The following DDX51 variants were observed in gnomAD, a reference collection of about 807,000 sequenced individuals.
DDX51 encodes the protein DEAD-box helicase 51.
DDX51 carries 67 observed loss-of-function variants against 74.6 expected under a neutral mutation model. The ratio of observed to expected loss-of-function variants is 0.90; its 90% CI spans 0.74 to 1.10. The LOEUF is 1.10. DDX51 is among the 50% of genes least tolerant of loss of function. DDX51 has a pLI of 0.00. For missense variants in DDX51, 1,056 were observed against 905.2 expected (o/e 1.17, Z -2.14); for synonymous variants, 545 against 402.9 (o/e 1.35, Z -4.22).
Position 132,139,645 on chromosome 12 carries a change from T to C in DDX51, c.1964A>G (p.Glu655Gly), listed in dbSNP as rs1319038308. 6.2e-7 allele frequency: 1 copy of C among 1,612,948 alleles called. No individual in the cohort carries two copies. The highest frequency in any genetic ancestry group is 2.2e-5 in the East Asian group (1 of 44,872). The change falls in exon 14 of 15, where the codon GAG becomes GGG. Residue 655 changes from glutamate (E) to glycine (G), a missense_variant. Transcript: ENST00000397333. ...RYEEALSQLE[E>G]SVKEERKQRA... Reference sequence around the variant, plus strand: ...CTCTGGTGCCCTTACCTTGACAGACTCCTCCAGCTGGGACAGGGCCTCCTC... The same window carrying C: ...CTCTGGTGCCCTTACCTTGACAGACCCCTCCAGCTGGGACAGGGCCTCCTC...
chr12:132,143,785 C>A lies in DDX51; in HGVS notation c.429G>T (p.Ala143=). The change falls in exon 2 of 15, where the codon GCG becomes GCT. Residue 143 remains alanine (A), a synonymous_variant. Coordinates refer to ENST00000397333, the MANE Select transcript of DDX51 (RefSeq NM_175066.4). ...GERSTSASAE[A]APDGPALEEA... is the part of the protein sequence containing the mutation. ...CCTCCAGGGCCGGTCCATCTGGGGC[C>A]GCCTCGGCGCTGGCGCTGGTGCTGC... The A allele has an allele frequency of 6.6e-7, 1 of 1,519,558 alleles. No homozygotes were observed. The highest frequency in any genetic ancestry group is 8.8e-7 in the Non-Finnish European group (1 of 1,138,776). 94.1% of individuals were successfully genotyped at this position (1,519,558 alleles called of 1,614,324 possible). A position where few individuals can be genotyped will look rare whatever the true frequency, so the allele number is the denominator to read the frequency against.
rs752454488 is a variant in DDX51 at position 132,140,939 on chromosome 12, C to T, written c.1332G>A (p.Leu444=). 1.1e-5 allele frequency: 17 copies of T among 1,613,106 alleles called. No homozygotes were observed. The Admixed American group carries it at 2.8e-4, about 27-fold the overall frequency. ...LTQNPEKLQQ[L]GLHQPRLFST... ...AGAAAAGCCGGGGCTGGTGGAGGCC[C>T]AGCTGCTGCAGCTTTTCAGGGTTCT... The change falls in exon 9 of 15, where the codon CTG becomes CTA. Residue 444 remains leucine (L), a synonymous_variant. Coordinates refer to ENST00000397333, the MANE Select transcript of DDX51 (RefSeq NM_175066.4).
chr12:132,139,640 C>CA lies in DDX51; in HGVS notation c.1968dup (p.Val657CysfsTer21). The CA allele has an allele frequency of 6.2e-7, 1 of 1,613,140 alleles. No individual in the cohort carries two copies. Among genetic ancestry groups the CA allele is most frequent in the Admixed American group, 1.7e-5 (1 of 60,024 alleles). ...CCGGACTCTGGTGCCCTTACCTTGA[C>CA]AGACTCCTCCAGCTGGGACAGGGCC... On this transcript the variant is annotated frameshift_variant, in exon 14 of 15. Transcript: ENST00000397333. LOFTEE classifies it high-confidence loss of function.
chr12:132,141,641 T>C lies in DDX51; in HGVS notation c.996-35A>G, dbSNP rs558176687. On this transcript the variant is annotated intron_variant, in intron 6 of 14. Coordinates refer to ENST00000397333, the MANE Select transcript of DDX51 (RefSeq NM_175066.4). Reference sequence around the variant, plus strand: ...AGAGAGCAGCTCGAGAGAAGGAAGCTTTCTCAAGGGCTTCCGGATAGCAAG... The same window carrying C: ...AGAGAGCAGCTCGAGAGAAGGAAGCCTTCTCAAGGGCTTCCGGATAGCAAG... The C allele has an allele frequency of 2.6e-6, 4 of 1,541,924 alleles. No individual in the cohort carries two copies. In the South Asian group the frequency reaches 3.7e-5, roughly 14 times the overall value.
At chr12:132,143,035 G>C (rs548222288) in intron 2 of DDX51, 157 bp from the exon 3 acceptor site, 10 of 952,842 alleles carry the variant, frequency 1.0e-5, no homozygotes, top group East Asian at 5.3e-5. Flanking sequence ...GCCTTCAGAA[G>C]TTAAACAGTA....
In DDX51 at chr12:132,137,518, T is replaced by C. The variant is rs1352377692; in HGVS notation, c.*1754A>G. On this transcript the variant is annotated 3_prime_UTR_variant, in exon 15 of 15. Coordinates refer to ENST00000397333, the MANE Select transcript of DDX51 (RefSeq NM_175066.4). Reference sequence around the variant, plus strand: ...GCCTTTTGTGTTCTGCTGGCATTTGTTTGAACACAGTCCACAGGTTCAGTG... The same window carrying C: ...GCCTTTTGTGTTCTGCTGGCATTTGCTTGAACACAGTCCACAGGTTCAGTG... 1 of 152,272 alleles carries C rather than the reference T, an allele frequency of 6.6e-6. No homozygotes were observed. Among genetic ancestry groups the C allele is most frequent in the Non-Finnish European group, 1.5e-5 (1 of 68,056 alleles). The allele number at this position is 152,272 out of a possible 1,614,324, so 9.4% of individuals were successfully genotyped here. A position where few individuals can be genotyped will look rare whatever the true frequency, so the allele number is the denominator to read the frequency against.
intron 2 of DDX51, 73 bp from the exon 3 acceptor site, chr12:132,142,951 G>A (rs1018693070): frequency 7.5e-6 from 12 of 1,597,354 alleles, no homozygotes; most frequent in Admixed American, 3.3e-5. Context: ...GGTGGAAAAA[G>A]CTAGGGGAGG....
Position 132,142,301 on chromosome 12 carries a change from C to T in DDX51, c.792G>A (p.Leu264=), listed in dbSNP as rs1442181849. The change falls in exon 4 of 15, where the codon CTG becomes CTA. Residue 264 remains leucine (L), a synonymous_variant. Transcript: ENST00000397333. Reference sequence around the variant, plus strand: ...CCTGCACCACAGGGATGACGAAGGCCAGTGTCTTCCCACTGCCTGTTGGGG... The same window carrying T: ...CCTGCACCACAGGGATGACGAAGGCTAGTGTCTTCCCACTGCCTGTTGGGG... ...VSAPTGSGKT[L]AFVIPVVQAL... 1.2e-6 allele frequency: 2 copies of T among 1,612,996 alleles called. No individual in the cohort carries two copies. Among genetic ancestry groups the T allele is most frequent in the East Asian group, 2.2e-5 (1 of 44,902 alleles).
At position 132,137,283 on chromosome 12, in the gene DDX51, A is replaced by G. The variant is rs1416744343; in HGVS notation, c.*1989T>C. On this transcript the variant is annotated 3_prime_UTR_variant, in exon 15 of 15. Coordinates refer to ENST00000397333, the MANE Select transcript of DDX51 (RefSeq NM_175066.4). ...GTGTGAAGTTTGGTGATCACCCAGGAGACACCCCCCGCACTCCTGTGCCCG... is the reference window on the plus strand; with the variant it reads ...GTGTGAAGTTTGGTGATCACCCAGGGGACACCCCCCGCACTCCTGTGCCCG... The G allele has an allele frequency of 1.3e-5, 2 of 152,162 alleles. No individual in the cohort carries two copies. Among genetic ancestry groups the G allele is most frequent in the Admixed American group, 1.3e-4 (2 of 15,278 alleles). The allele number at this position is 152,162 out of a possible 1,614,324, so 9.4% of individuals were successfully genotyped here.
At chr12:132,142,636 T>C (rs1897511158) in intron 3 of DDX51, 92 bp downstream of exon 3, 4 of 1,547,936 alleles carry the variant, frequency 2.6e-6, no homozygotes, top group Admixed American at 1.8e-5. Flanking sequence ...GGCACCGATG[T>C]GGCAGGGACG....
In DDX51 at chr12:132,139,257, CCT is replaced by C. The variant is rs1565952532; in HGVS notation, c.*13_*14del. 3.1e-6 allele frequency: 5 copies of C among 1,607,320 alleles called. No homozygotes were observed. The East Asian group carries it at 8.9e-5, about 29-fold the overall frequency. The stretch of plus-strand genomic sequence containing the variant: ...GTGGTGAGCGTTCAGTCCCTCCGGC[CCT>C]CTGAGCCCCAGCCTAGGCCGCCCTC... On this transcript the variant is annotated 3_prime_UTR_variant, in exon 15 of 15. Transcript: ENST00000397333.
Position 132,143,852 on chromosome 12 carries a change from C to T in DDX51, c.362G>A (p.Gly121Glu). ...PSAGSSEEAP[G>E]EPSAGSSEEA... ...CTCGCTGCTCCCTGCGCTGGGCTCC[C>T]CTGGCGCCTCCTCGCTGCTCCCTGC... The change falls in exon 2 of 15, where the codon GGG (glycine) becomes GAG (glutamate). Residue 121 changes from glycine to glutamate, a missense_variant. Coordinates refer to ENST00000397333, the MANE Select transcript of DDX51 (RefSeq NM_175066.4). The T allele has an allele frequency of 2.0e-6, 3 of 1,501,036 alleles. No individual in the cohort carries two copies. Among genetic ancestry groups the T allele is most frequent in the Non-Finnish European group, 2.6e-6 (3 of 1,140,962 alleles). The allele number at this position is 1,501,036 out of a possible 1,614,324, so 93.0% of individuals were successfully genotyped here.
rs115763008 is a variant in DDX51, at chr12:132,140,287, T to C, written c.1674-88A>G. ...CCCTGCGGGGGGCAGCTCAGGCCTT[T>C]CTGGGAACTGGCTGCCATGGGGCTG... On this transcript the variant is annotated intron_variant, in intron 11 of 14. Transcript: ENST00000397333. 1,598 of 1,563,780 alleles carry C rather than the reference T, an allele frequency of 1.0e-3. 12 individuals are homozygous for C. In the African/African-American group the frequency reaches 0.019, roughly 19 times the overall value.
rs1897303060 is a variant in DDX51, at chr12:132,137,690, T to C, written c.*1582A>G. The C allele has an allele frequency of 2.0e-5, 3 of 152,240 alleles. No individual in the cohort carries two copies. Among genetic ancestry groups the C allele is most frequent in the Non-Finnish European group, 4.4e-5 (3 of 68,058 alleles). 9.4% of individuals were successfully genotyped at this position (152,240 alleles called of 1,614,324 possible). ...CCGTGGCCTGCGTCTCCCTGGCGGT[T>C]AGTGATGTTGGCATCATCCACCTTT... On this transcript the variant is annotated 3_prime_UTR_variant, in exon 15 of 15. Coordinates refer to ENST00000397333, the MANE Select transcript of DDX51 (RefSeq NM_175066.4).
chr12:132,143,545 C>G lies in DDX51; in HGVS notation c.519+150G>C, dbSNP rs796766064. 14 of 1,050,148 alleles carry G rather than the reference C, an allele frequency of 1.3e-5. No homozygotes were observed. In the South Asian group the frequency reaches 2.0e-4, roughly 15 times the overall value. The allele number at this position is 1,050,148 out of a possible 1,614,324, so 65.1% of individuals were successfully genotyped here. A position where few individuals can be genotyped will look rare whatever the true frequency, so the allele number is the denominator to read the frequency against. On this transcript the variant is annotated intron_variant, in intron 2 of 14. Transcript: ENST00000397333. ...CTCTGCACGTGCAGGATCCAGACCC[C>G]TAGGCGATGAAACTGCAGACCTGGC...
rs750697459 is a variant in DDX51 at position 132,140,681 on chromosome 12, C to T, written c.1495G>A (p.Val499Ile). The T allele has an allele frequency of 1.2e-6, 2 of 1,613,074 alleles. No homozygotes were observed. The highest frequency in any genetic ancestry group is 2.2e-5 in the South Asian group (2 of 91,080). Residue 499 changes from valine to isoleucine, a missense_variant, in exon 10 of 15, where the codon GTC becomes ATC. By Grantham distance (29) the Val-to-Ile change is conservative (BLOSUM62 3). Coordinates refer to ENST00000397333, the MANE Select transcript of DDX51 (RefSeq NM_175066.4). The stretch of plus-strand genomic sequence containing the variant: ...ACCCTCGAGAAGCCCATCTCCAGGA[C>T]CAGGTGCAGGACGACCAGCGGCTTA... The part of the protein sequence containing the change: ...SSKPLVVLHL[V>I]LEMGFSRVLC...
Position 132,141,870 on chromosome 12 carries a change from C to T in DDX51, c.975G>A (p.Gln325=), listed in dbSNP as rs1386521736. 6.2e-7 allele frequency: 1 copy of T among 1,613,070 alleles called. No individual in the cohort carries two copies. Among genetic ancestry groups the T allele is most frequent in the Non-Finnish European group, 8.5e-7 (1 of 1,180,004 alleles). Residue 325 remains glutamine, a synonymous_variant, in exon 6 of 15, where the codon CAG becomes CAA. Coordinates refer to ENST00000397333, the MANE Select transcript of DDX51 (RefSeq NM_175066.4). ...CCTACGTTTTCTGGACGAGGCTCTCCTGCTCCTTGGCCAGAGACTTCTGTC... is the reference window on the plus strand; with the variant it reads ...CCTACGTTTTCTGGACGAGGCTCTCTTGCTCCTTGGCCAGAGACTTCTGTC... ...VTGQKSLAKE[Q]ESLVQKTADG...
chr12:132,140,774 T>TGGTTAGGGGCCCCA, intron 9 of DDX51, 39 bp from the exon 10 acceptor site: 1 of 1,612,942 alleles, frequency 6.2e-7, no homozygotes, highest in Non-Finnish European at 8.5e-7. Context: ...AGGTGAGGGT[T>TGGTTAGGGGCCCCA]GGTTAGGGGC....
rs1897609942 is a variant in DDX51 at position 132,144,248 on chromosome 12, C to T, written c.49G>A (p.Ala17Thr). The T allele has an allele frequency of 8.1e-7, 1 of 1,236,836 alleles. No homozygotes were observed. The highest frequency in any genetic ancestry group is 1.0e-6 in the Non-Finnish European group (1 of 990,568). The allele number at this position is 1,236,836 out of a possible 1,614,324, so 76.6% of individuals were successfully genotyped here. Reference protein sequence around the residue: ...ARYPGPDAAAAAGPEGAEAGA... With the variant: ...ARYPGPDAAATAGPEGAEAGA... ...GCCTCCGCGCCCTCCGGCCCCGCCG[C>T]AGCTGCCGCATCGGGGCCCGGGTAC... is the stretch of plus-strand genomic sequence containing the variant. The change falls in exon 1 of 15, where the codon GCG (alanine) becomes ACG (threonine). Residue 17 changes from alanine to threonine, a missense_variant. Transcript: ENST00000397333.
Sources: allele counts gnomAD v4.1 joint callset, GRCh38; gene constraint gnomAD v4.1.1; transcripts MANE v1.5; gene names NCBI Gene and HGNC (gene_info 2026-07-23, HGNC 2026-07-21).